The following CDKN2B-AS1 variants were observed in gnomAD, a reference collection of about 807,000 sequenced individuals.
CDKN2B-AS1 encodes the protein CDKN2B and CDKN2A antisense cis and trans regulatory RNA 1.
At chr9:22,014,344 G>C (rs1821646968) in intron 1 of CDKN2B-AS1, among the ~76,000 whole-genome samples, 1 of 151,790 alleles carries the variant, frequency 6.6e-6, no homozygotes, top group African/African-American at 2.4e-5. Flanking sequence ...TTTTTGTAGA[G>C]ATGAGGGTCT....
At chr9:22,012,303 T>G (rs551496667) in intron 1 of CDKN2B-AS1, 44 of 1,466,768 alleles carry the variant, frequency 3.0e-5, no homozygotes, top group Admixed American at 1.0e-4. Context: ...AGCAAACAGC[T>G]GGAGGATGGC....
chr9:22,019,821 A>G (rs1225030653), intron 1 of CDKN2B-AS1, among the ~76,000 whole-genome samples: 1 of 152,228 alleles, frequency 6.6e-6, no homozygotes, highest in African/African-American at 2.4e-5. Context: ...AAAGAATAGT[A>G]GAGTATAAAG....
At chr9:22,010,750 C>T (rs1362314746) in intron 1 of CDKN2B-AS1, among the ~76,000 whole-genome samples, 3 of 152,222 alleles carry the variant, frequency 2.0e-5, no homozygotes, top group East Asian at 3.9e-4. Flanking sequence ...TCCTAGTCTT[C>T]AGTTTCTTAA....
In CDKN2B-AS1 at chr9:22,008,943, T is replaced by C; in HGVS notation, n.29+13782T>C. The C allele has an allele frequency of 3.1e-6, 5 of 1,613,032 alleles. 1 individual carries two copies. The highest frequency in any genetic ancestry group is 4.2e-6 in the Non-Finnish European group (5 of 1,179,948). Reference sequence around the variant, plus strand: ...GCCCCCACTGGGCATGCCCTTGTTCTCCTCGCGCATTCCGCAGCCCCCAGA... The same window carrying C: ...GCCCCCACTGGGCATGCCCTTGTTCCCCTCGCGCATTCCGCAGCCCCCAGA... On this transcript the variant is annotated intron_variant and non_coding_transcript_variant, in intron 1 of 4. Coordinates refer to ENST00000650946, the Ensembl canonical transcript of CDKN2B-AS1.
chr9:22,069,986 A>G (rs1385508867), intron 4 of CDKN2B-AS1, among the ~76,000 whole-genome samples: 1 of 151,974 alleles, frequency 6.6e-6, no homozygotes, highest in African/African-American at 2.4e-5. Context: ...ATTTTTTGGG[A>G]ATGTGCGTTA....
intron 4 of CDKN2B-AS1, among the ~76,000 whole-genome samples, chr9:22,083,402 A>T (rs1338414857): frequency 6.6e-6 from 1 of 152,220 alleles, no homozygotes; most frequent in East Asian, 1.9e-4. Flanking sequence ...AGAGGTAAGA[A>T]TGCTACCGCT....
At chr9:22,097,139 T>A (rs1019014953) in intron 4 of CDKN2B-AS1, 1 of 152,224 alleles carries the variant, frequency 6.6e-6, no homozygotes, top group Non-Finnish European at 1.5e-5. Context: ...TTTTCTGCAC[T>A]GTGTGCGCGT....
chr9:22,044,921 GT>G (rs1271805519), intron 1 of CDKN2B-AS1, among the ~76,000 whole-genome samples: 2 of 151,882 alleles, frequency 1.3e-5, no homozygotes, highest in Admixed American at 1.3e-4. Context: ...CTATATTCAA[GT>G]TATAAAGTGC....
intron 4 of CDKN2B-AS1, among the ~76,000 whole-genome samples, chr9:22,069,176 G>A (rs538521159): frequency 1.3e-5 from 2 of 152,206 alleles, no homozygotes; most frequent in East Asian, 3.9e-4. Flanking sequence ...TTTCATTCCT[G>A]GGCCCCTGTC....
chr9:22,017,165 G>A (rs1372104320), intron 1 of CDKN2B-AS1, among the ~76,000 whole-genome samples: 4 of 152,096 alleles, frequency 2.6e-5, no homozygotes, highest in Admixed American at 2.0e-4. Flanking sequence ...AGTGGCTCAC[G>A]CCTGTAATCC....
At chr9:22,052,982 G>A (rs1443906919) in intron 3 of CDKN2B-AS1, among the ~76,000 whole-genome samples, 2 of 152,202 alleles carry the variant, frequency 1.3e-5, no homozygotes. Context: ...TTAAGAAAAG[G>A]AGTTTCCAAA....
chr9:22,020,500 T>A (rs1821971023), intron 1 of CDKN2B-AS1, among the ~76,000 whole-genome samples: 2 of 152,068 alleles, frequency 1.3e-5, no homozygotes, highest in Non-Finnish European at 2.9e-5. Flanking sequence ...ACCAGCAGAG[T>A]CTAAGTGTTC....
At chr9:22,041,561 A>G (rs916962865) in intron 1 of CDKN2B-AS1, among the ~76,000 whole-genome samples, 1 of 152,066 alleles carries the variant, frequency 6.6e-6, no homozygotes, top group African/African-American at 2.4e-5. Flanking sequence ...CTGCATAAAC[A>G]TGTGATAATG....
rs1823598930 is a variant in CDKN2B-AS1 at position 22,056,931 on chromosome 9, C to T, written n.438+544C>T. On this transcript the variant is annotated intron_variant and non_coding_transcript_variant, in intron 4 of 4. Coordinates refer to ENST00000650946, the Ensembl canonical transcript of CDKN2B-AS1. ...TGGAAATCCTGCTCTTACCAGTCTT[C>T]CCCATCTTAATTAATGAACCTGACA... Among the ~76,000 whole-genome samples, 5 of 152,256 alleles carry T rather than the reference C, an allele frequency of 3.3e-5. No individual in the cohort carries two copies. In the South Asian group the frequency reaches 1.0e-3, roughly 32 times the overall value.
intron 4 of CDKN2B-AS1, among the ~76,000 whole-genome samples, chr9:22,110,507 C>T (rs1213701222): frequency 6.6e-6 from 1 of 152,126 alleles, no homozygotes; most frequent in African/African-American, 2.4e-5. Context: ...ATCTGCATGT[C>T]ATAACATCAT....
At chr9:22,094,313 G>A (rs1305886254) in intron 4 of CDKN2B-AS1, among the ~76,000 whole-genome samples, 1 of 143,298 alleles carries the variant, frequency 7.0e-6, no homozygotes, top group Non-Finnish European at 1.5e-5. Context: ...TGCTCTTCTT[G>A]AGGAGTATCT....
At chr9:22,073,017 A>G (rs1378382724) in intron 4 of CDKN2B-AS1, among the ~76,000 whole-genome samples, 4 of 152,188 alleles carry the variant, frequency 2.6e-5, no homozygotes, top group African/African-American at 9.6e-5. Context: ...GTTGAAAGTT[A>G]ATATTACAGA....
Position 22,109,581 on chromosome 9 carries a change from C to A in CDKN2B-AS1, n.439-17522C>A, listed in dbSNP as rs116369134. ...GGTTCAAGAGCTGAATAAGTAAGAG[C>A]AAGTATTTTATTGTATGCCCATCAA... On this transcript the variant is annotated intron_variant and non_coding_transcript_variant, in intron 4 of 4. Coordinates refer to ENST00000650946, the Ensembl canonical transcript of CDKN2B-AS1. Among the ~76,000 whole-genome samples the A allele has an allele frequency of 6.4e-3, 979 of 152,192 alleles. 13 individuals carry two copies. Among genetic ancestry groups the A allele is most frequent in the African/African-American group, 0.022 (919 of 41,526 alleles).
chr9:22,055,639 T>C (rs1202673814), intron 3 of CDKN2B-AS1, among the ~76,000 whole-genome samples: 1 of 152,174 alleles, frequency 6.6e-6, no homozygotes, highest in Admixed American at 6.5e-5. Flanking sequence ...TCACTATTTT[T>C]TATAGAGGGC....
Sources: gnomAD v4.1 joint callset for allele counts (sites outside exome capture counted in the v4.1 genomes callset) on GRCh38, gnomAD v4.1.1 for gene constraint, MANE v1.5 for transcripts, NCBI Gene and HGNC (gene_info 2026-07-23, HGNC 2026-07-21) for gene names.